ZFTA: variants seen among roughly 807,000 people sequenced by gnomAD.
ZFTA encodes the protein zinc finger translocation-associated protein.
A neutral mutation model predicts 41.8 loss-of-function variants in ZFTA; 35 were observed. That is an observed-to-expected ratio of 0.84 (90% CI 0.64 to 1.11). The LOEUF (loss-of-function observed/expected upper bound fraction) is 1.11. Among genes scored for constraint, ZFTA ranks in the 50% most tolerant of loss-of-function variants. ZFTA has a pLI of 0.00. For synonymous variants in ZFTA, 514 were observed against 436.4 expected (o/e 1.18, Z -2.22); for missense variants, 964 against 989.8 (o/e 0.97, Z 0.35).
Position 63,759,990 on chromosome 11 carries a change from T to TG in ZFTA, c.*3427dup, listed in dbSNP as rs1383210639. On this transcript the variant is annotated 3_prime_UTR_variant, in exon 5 of 5. Transcript: ENST00000433688. ...CACTCCCCCTATCCTCACTCCACTT[T>TG]GGGGACTTTAAAAAGTGACTAATAG... The TG allele has an allele frequency of 6.6e-6, 1 of 152,104 alleles. No individual in the cohort carries two copies. The highest frequency in any genetic ancestry group is 2.4e-5 in the African/African-American group (1 of 41,444). 9.4% of individuals were successfully genotyped at this position (152,104 alleles called of 1,614,324 possible).
Position 63,764,367 on chromosome 11 carries a change from TG to T in ZFTA, c.1255del (p.Gln419ArgfsTer33), listed in dbSNP as rs1220679055. 3.0e-6 allele frequency: 4 copies of T among 1,313,530 alleles called. No homozygotes were observed. Among genetic ancestry groups the T allele is most frequent in the Non-Finnish European group, 3.9e-6 (4 of 1,035,332 alleles). The allele number at this position is 1,313,530 out of a possible 1,614,324, so 81.4% of individuals were successfully genotyped here. ...PRGRAHRRHP[Q>X]ERWRLEYLME... is the part of the protein sequence containing the mutation. ...GAGGTACTCCAGCCGCCAGCGCTCCTGGGGGTGGCGGCGGTGGGCGCGGCCC... is the reference window on the plus strand; with the variant it reads ...GAGGTACTCCAGCCGCCAGCGCTCCTGGGGTGGCGGCGGTGGGCGCGGCCC... On this transcript the variant is annotated frameshift_variant, in exon 4 of 5. Transcript: ENST00000433688. LOFTEE classifies it high-confidence loss of function.
chr11:63,765,853 C>G lies in ZFTA; in HGVS notation c.591G>C (p.Glu197Asp), dbSNP rs1034245143. 2 of 1,511,784 alleles carry G rather than the reference C, an allele frequency of 1.3e-6. No homozygotes were observed. The allele number at this position is 1,511,784 out of a possible 1,614,324, so 93.6% of individuals were successfully genotyped here. ...CTGGGACACCGGCCCCCTCCTCCTCCTCCTCTTCTTCCTCCTCCTCCTCCT... is the reference window on the plus strand; with the variant it reads ...CTGGGACACCGGCCCCCTCCTCCTCGTCCTCTTCTTCCTCCTCCTCCTCCT... ...AEEEEEEEEE[E>D]EEEGAGVPAC... The change falls in exon 2 of 5, where the codon GAG (glutamate) becomes GAC (aspartate). Residue 197 changes from glutamate (E) to aspartate (D), a missense_variant. This residue lies in a region of ZFTA where 141 missense variants were observed against 216.7 expected (regional missense o/e 0.65). Coordinates refer to ENST00000433688, the MANE Select transcript of ZFTA (RefSeq NM_001144936.2). The surrounding 1 kb of genome is among the most constrained non-coding windows in gnomAD (Gnocchi z 4.0).
In ZFTA at chr11:63,764,981, A is replaced by T; in HGVS notation, c.911T>A (p.Val304Glu). The T allele has an allele frequency of 1.9e-6, 3 of 1,548,786 alleles. No individual in the cohort carries two copies. The highest frequency in any genetic ancestry group is 2.6e-6 in the Non-Finnish European group (3 of 1,146,572). The change falls in exon 3 of 5, where the codon GTG (valine) becomes GAG (glutamate). Residue 304 changes from valine (V) to glutamate (E), a missense_variant. Val to Glu is a moderately radical substitution (Grantham distance 121). Around this residue, in one of 5 missense-constraint regions of ZFTA, gnomAD observed 584 missense variants for 523.1 expected, o/e 1.12. Transcript: ENST00000433688. ...CAGGGAGCCAGGGTGCACCTCCAGC[A>T]CGTGGGCACGGATGTCGTCCAGGTG... ...SLHLDDIRAH[V>E]LEVHPGSLGL... is the part of the protein sequence containing the mutation.
chr11:63,760,818 G>A lies in ZFTA; in HGVS notation c.*2600C>T, dbSNP rs1382595193. ...ACCAAGTTTCTGATTCAGTAACCCT[G>A]GGGTATGGCCCAAGAATTTTTATTT... On this transcript the variant is annotated 3_prime_UTR_variant, in exon 5 of 5. Transcript: ENST00000433688. 6.6e-6 allele frequency: 1 copy of A among 152,202 alleles called. No individual in the cohort carries two copies. Among genetic ancestry groups the A allele is most frequent in the East Asian group, 1.9e-4 (1 of 5,206 alleles). The allele number at this position is 152,202 out of a possible 1,614,324, so 9.4% of individuals were successfully genotyped here.
rs1273022379 is a variant in ZFTA at position 63,760,397 on chromosome 11, G to C, written c.*3021C>G. On this transcript the variant is annotated 3_prime_UTR_variant, in exon 5 of 5. Transcript: ENST00000433688. ...AAAAATGTATTCAACATACCTCTTA[G>C]AAAACTTAGGCTGAAATATTTTTTA... 2 of 152,142 alleles carry C rather than the reference G, an allele frequency of 1.3e-5. No homozygotes were observed. Among genetic ancestry groups the C allele is most frequent in the Non-Finnish European group, 2.9e-5 (2 of 68,016 alleles). 9.4% of individuals were successfully genotyped at this position (152,142 alleles called of 1,614,324 possible).
Position 63,765,876 on chromosome 11 carries a change from C to T in ZFTA, c.568G>A (p.Glu190Lys). The change falls in exon 2 of 5, where the codon GAG becomes AAG. Residue 190 changes from glutamate (E) to lysine (K), a missense_variant. This residue lies in a region of ZFTA where 141 missense variants were observed against 216.7 expected (regional missense o/e 0.65). Transcript: ENST00000433688. The surrounding 1 kb of genome is among the most constrained non-coding windows in gnomAD (Gnocchi z 4.0). Reference sequence around the variant, plus strand: ...TCCTCCTCTTCTTCCTCCTCCTCCTCCTCCTCAGCCCCCTGGACCCCCAGG... The same window carrying T: ...TCCTCCTCTTCTTCCTCCTCCTCCTTCTCCTCAGCCCCCTGGACCCCCAGG... ...EGLGVQGAEE[E>K]EEEEEEEEEE... 1 of 1,530,344 alleles carries T rather than the reference C, an allele frequency of 6.5e-7. No homozygotes were observed. The highest frequency in any genetic ancestry group is 8.8e-7 in the Non-Finnish European group (1 of 1,138,094). 94.8% of individuals were successfully genotyped at this position (1,530,344 alleles called of 1,614,324 possible). A position where few individuals can be genotyped will look rare whatever the true frequency, so the allele number is the denominator to read the frequency against.
In ZFTA at chr11:63,763,781, G is replaced by A; in HGVS notation, c.1674C>T (p.Leu558=). ...DEEDGQEPGG[L]ALPPPPPPPP... The stretch of plus-strand genomic sequence containing the variant: ...GGGGAGGAGGCGGCGGCGGCAAGGC[G>A]AGTCCCCCAGGCTCCTGGCCGTCCT... The change falls in exon 5 of 5, where the codon CTC becomes CTT. Residue 558 remains leucine (L), a synonymous_variant. Coordinates refer to ENST00000433688, the MANE Select transcript of ZFTA (RefSeq NM_001144936.2). 4.1e-6 allele frequency: 6 copies of A among 1,460,488 alleles called. No homozygotes were observed. The highest frequency in any genetic ancestry group is 1.5e-5 in the South Asian group (1 of 68,600). The allele number at this position is 1,460,488 out of a possible 1,614,324, so 90.5% of individuals were successfully genotyped here.
At position 63,766,111 on chromosome 11, in the gene ZFTA, C is replaced by A; in HGVS notation, c.333G>T (p.Leu111=). 1 of 1,521,904 alleles carries A rather than the reference C, an allele frequency of 6.6e-7. No individual in the cohort carries two copies. Among genetic ancestry groups the A allele is most frequent in the Non-Finnish European group, 8.8e-7 (1 of 1,130,240 alleles). The allele number at this position is 1,521,904 out of a possible 1,614,324, so 94.3% of individuals were successfully genotyped here. A position where few individuals can be genotyped will look rare whatever the true frequency, so the allele number is the denominator to read the frequency against. ...HRRYYHDHWR[L]EYLMDFNPAR... is the part of the protein sequence containing the mutation. ...CAGGGTTGAAGTCCATCAGGTACTC[C>A]AGCCGCCAGTGGTCGTGGTAGTAGC... is the stretch of plus-strand genomic sequence containing the variant. The change falls in exon 2 of 5, where the codon CTG becomes CTT. Residue 111 remains leucine (L), a synonymous_variant. Transcript: ENST00000433688.
At position 63,760,824 on chromosome 11, in the gene ZFTA, T is replaced by C. The variant is rs550800317; in HGVS notation, c.*2594A>G. On this transcript the variant is annotated 3_prime_UTR_variant, in exon 5 of 5. Transcript: ENST00000433688. ...TTTCTGATTCAGTAACCCTGGGGTA[T>C]GGCCCAAGAATTTTTATTTCTAGCA... 6.6e-6 allele frequency: 1 copy of C among 152,338 alleles called. No homozygotes were observed. Among genetic ancestry groups the C allele is most frequent in the Admixed American group, 6.5e-5 (1 of 15,302 alleles). The allele number at this position is 152,338 out of a possible 1,614,324, so 9.4% of individuals were successfully genotyped here.
chr11:63,766,976 T>TG (rs1252152651), intron 1 of ZFTA, among the ~76,000 whole-genome samples: 2 of 152,154 alleles, frequency 1.3e-5, no homozygotes, highest in Non-Finnish European at 2.9e-5. Flanking sequence ...CCAATGACCC[T>TG]GTAAAGGGAT....
In ZFTA at chr11:63,763,380, C is replaced by G; in HGVS notation, c.*38G>C. ...AGCACAGGGCGGGGCGGGGCCGATC[C>G]GACCCGACCCGACCTGACCCGGGGG... On this transcript the variant is annotated 3_prime_UTR_variant, in exon 5 of 5. Transcript: ENST00000433688. 1 of 1,218,968 alleles carries G rather than the reference C, an allele frequency of 8.2e-7. No homozygotes were observed. The highest frequency in any genetic ancestry group is 1.0e-6 in the Non-Finnish European group (1 of 974,144). The allele number at this position is 1,218,968 out of a possible 1,614,324, so 75.5% of individuals were successfully genotyped here. A position where few individuals can be genotyped will look rare whatever the true frequency, so the allele number is the denominator to read the frequency against.
rs899605747 is a variant in ZFTA at position 63,766,007 on chromosome 11, C to T, written c.437G>A (p.Arg146His). The change falls in exon 2 of 5, where the codon CGC (arginine) becomes CAC (histidine). Residue 146 changes from arginine (R) to histidine (H), a missense_variant. Coordinates refer to ENST00000433688, the MANE Select transcript of ZFTA (RefSeq NM_001144936.2). ...ATGCAAGGAGTAGGGGTGCTTTTGG[C>T]GGATGTGGCGCTTGATGGTGCTGAG... ...LKLSTIKRHI[R>H]QKHPYSLHWS... The T allele has an allele frequency of 5.2e-6, 8 of 1,551,364 alleles. No homozygotes were observed. Among genetic ancestry groups the T allele is most frequent in the Non-Finnish European group, 6.1e-6 (7 of 1,146,810 alleles).
In ZFTA at chr11:63,768,518, C is replaced by A; in HGVS notation, c.105G>T (p.Ser35=). Residue 35 remains serine, a synonymous_variant, in exon 1 of 5, where the codon TCG becomes TCT. Coordinates refer to ENST00000433688, the MANE Select transcript of ZFTA (RefSeq NM_001144936.2). ...CTTCCTCTGGCTCCGCGCTGCCGCT[C>A]GATCCGGCGGGCGGCAGCCGTCGGC... ...ARGRRLPPAG[S]SGSAEPEEDE... 2 of 1,202,222 alleles carry A rather than the reference C, an allele frequency of 1.7e-6. No homozygotes were observed. The highest frequency in any genetic ancestry group is 3.6e-5 in the South Asian group (2 of 55,340). 74.5% of individuals were successfully genotyped at this position (1,202,222 alleles called of 1,614,324 possible).
In ZFTA at chr11:63,764,047, C is replaced by CCTCCTCCTCCTCTGG. The variant is rs746254947; in HGVS notation, c.1561_1575dup (p.Pro521_Glu525dup). The CCTCCTCCTCCTCTGG allele has an allele frequency of 3.6e-4, 482 of 1,331,730 alleles. 3 individuals carry two copies. The African/African-American group carries it at 6.6e-3, about 18-fold the overall frequency. 82.5% of individuals were successfully genotyped at this position (1,331,730 alleles called of 1,614,324 possible). On this transcript the variant is annotated inframe_insertion, in exon 4 of 5. Coordinates refer to ENST00000433688, the MANE Select transcript of ZFTA (RefSeq NM_001144936.2). The stretch of plus-strand genomic sequence containing the variant: ...TGGCCCCACCGCTCACCCCACTCCT[C>CCTCCTCCTCCTCTGG]CTCCTCCTCCTCTGGCTCCTCCTCC...
rs1181438705 is a variant in ZFTA at position 63,760,424 on chromosome 11, ATGAC to A, written c.*2990_*2993del. On this transcript the variant is annotated 3_prime_UTR_variant, in exon 5 of 5. Coordinates refer to ENST00000433688, the MANE Select transcript of ZFTA (RefSeq NM_001144936.2). ...AAACTTAGGCTGAAATATTTTTTAA[ATGAC>A]TGATGCAAACAATTTCACAAATACG... 5 of 152,248 alleles carry A rather than the reference ATGAC, an allele frequency of 3.3e-5. No individual in the cohort carries two copies. The highest frequency in any genetic ancestry group is 7.3e-5 in the Non-Finnish European group (5 of 68,050). 9.4% of individuals were successfully genotyped at this position (152,248 alleles called of 1,614,324 possible).
Position 63,765,746 on chromosome 11 carries a change from GC to G in ZFTA, c.637+60del. On this transcript the variant is annotated intron_variant, in intron 2 of 4. Coordinates refer to ENST00000433688, the MANE Select transcript of ZFTA (RefSeq NM_001144936.2). This position sits in a 1 kb window ranked among gnomAD's most constrained non-coding sequence, Gnocchi z 4.0. ...CACCAGCTCCTTGGCAGAGCAGCTG[GC>G]CCACTGTGCCCCACTGGCCACCCAG... The G allele has an allele frequency of 7.0e-7, 1 of 1,429,076 alleles. No homozygotes were observed. The allele number at this position is 1,429,076 out of a possible 1,614,324, so 88.5% of individuals were successfully genotyped here. A position where few individuals can be genotyped will look rare whatever the true frequency, so the allele number is the denominator to read the frequency against.
chr11:63,768,523 C>T lies in ZFTA; in HGVS notation c.100G>A (p.Gly34Arg), dbSNP rs2014784350. 1 of 1,196,948 alleles carries T rather than the reference C, an allele frequency of 8.4e-7. No individual in the cohort carries two copies. The highest frequency in any genetic ancestry group is 1.8e-5 in the South Asian group (1 of 54,360). 74.1% of individuals were successfully genotyped at this position (1,196,948 alleles called of 1,614,324 possible). A position where few individuals can be genotyped will look rare whatever the true frequency, so the allele number is the denominator to read the frequency against. The change falls in exon 1 of 5, where the codon GGA (glycine) becomes AGA (arginine). Residue 34 changes from glycine to arginine, a missense_variant. Transcript: ENST00000433688. ...SARGRRLPPA[G>R]SSGSAEPEED... ...TCTGGCTCCGCGCTGCCGCTCGATC[C>T]GGCGGGCGGCAGCCGTCGGCCCCGT...
rs2014695037 is a variant in ZFTA, at chr11:63,763,831, G to A, written c.1624C>T (p.Pro542Ser). 7 of 1,445,446 alleles carry A rather than the reference G, an allele frequency of 4.8e-6. No individual in the cohort carries two copies. The highest frequency in any genetic ancestry group is 6.4e-6 in the Non-Finnish European group (7 of 1,101,852). 89.5% of individuals were successfully genotyped at this position (1,445,446 alleles called of 1,614,324 possible). A position where few individuals can be genotyped will look rare whatever the true frequency, so the allele number is the denominator to read the frequency against. Residue 542 changes from proline to serine, a missense_variant, in exon 5 of 5, where the codon CCC (proline) becomes TCC (serine). Pro to Ser is a moderately conservative substitution (Grantham distance 74). Coordinates refer to ENST00000433688, the MANE Select transcript of ZFTA (RefSeq NM_001144936.2). The part of the protein sequence containing the change: ...PLSPGAPLER[P>S]AEEEEDEEDG... ...TCTTCGTCCTCCTCTTCTTCGGCGGGCCGCTCCAAGGGAGCTCCAGGGGAC... is the reference window on the plus strand; with the variant it reads ...TCTTCGTCCTCCTCTTCTTCGGCGGACCGCTCCAAGGGAGCTCCAGGGGAC...
In ZFTA at chr11:63,764,052, T is replaced by G. The variant is rs2014700533; in HGVS notation, c.1571A>C (p.Glu524Ala). ...GGDEEEEPEEEEEEWGDVPLS... is the reference protein window; with the variant it reads ...GGDEEEEPEEAEEEWGDVPLS... ...CCACCGCTCACCCCACTCCTCCTCC[T>G]CCTCCTCTGGCTCCTCCTCCTCGTC... The change falls in exon 4 of 5, where the codon GAG (glutamate) becomes GCG (alanine). Residue 524 changes from glutamate (E) to alanine (A), a missense_variant. Coordinates refer to ENST00000433688, the MANE Select transcript of ZFTA (RefSeq NM_001144936.2). The G allele has an allele frequency of 4.5e-6, 6 of 1,335,984 alleles. No homozygotes were observed. The highest frequency in any genetic ancestry group is 5.7e-6 in the Non-Finnish European group (6 of 1,045,140). The allele number at this position is 1,335,984 out of a possible 1,614,324, so 82.8% of individuals were successfully genotyped here. A position where few individuals can be genotyped will look rare whatever the true frequency, so the allele number is the denominator to read the frequency against.
Sources: allele counts gnomAD v4.1 joint callset (sites outside exome capture counted in the v4.1 genomes callset), GRCh38; gene constraint gnomAD v4.1.1; regional missense constraint gnomAD v4.1.1; non-coding constraint Gnocchi (gnomAD v3.1); transcripts MANE v1.5; gene names NCBI Gene and HGNC (gene_info 2026-07-23, HGNC 2026-07-21).